CTNNA3: variants seen among roughly 807,000 people sequenced by gnomAD.
CTNNA3 encodes catenin alpha 3.
Under a neutral mutation model 95.7 loss-of-function variants are expected in CTNNA3, and 76 were observed. The ratio of observed to expected loss-of-function variants is 0.79; its 90% CI spans 0.66 to 0.96. CTNNA3 has a LOEUF of 0.96. Ranked by LOEUF, CTNNA3 falls within the 40% of genes least tolerant of loss-of-function variation. The pLI is 0.00. For missense variants in CTNNA3, 1,191 were observed against 1,089.8 expected, an observed-to-expected ratio of 1.09 and a Z score of -1.31; for synonymous variants, 431 against 374.4, an observed-to-expected ratio of 1.15 and a Z score of -1.74.
chr10:66,978,552 A>AAAAAAAAAAATATAT, intron 7 of CTNNA3, among the ~76,000 whole-genome samples: 1 of 37,884 alleles, frequency 2.6e-5, no homozygotes, highest in African/African-American at 8.7e-5. Flanking sequence ...AAAAAAAAAA[A>AAAAAAAAAAATATAT]ATATATATAT....
chr10:66,136,351 A>G (rs979631617), intron 13 of CTNNA3, among the ~76,000 whole-genome samples: 1 of 152,192 alleles, frequency 6.6e-6, no homozygotes, highest in African/African-American at 2.4e-5. Flanking sequence ...TAGTTCTAAC[A>G]TGGATGTTGG....
intron 3 of CTNNA3, among the ~76,000 whole-genome samples, chr10:67,580,652 A>G (rs1252371379): frequency 6.6e-6 from 1 of 151,008 alleles, no homozygotes; most frequent in East Asian, 1.9e-4. Context: ...CTTGGGCAGT[A>G]TGGCCATTTT....
rs146343425 is a variant in CTNNA3 at position 66,625,131 on chromosome 10, G to A, written c.1282-3347C>T. Among the ~76,000 whole-genome samples the A allele has an allele frequency of 6.4e-3, 971 of 152,206 alleles. 11 individuals are homozygous for A. Among genetic ancestry groups the A allele is most frequent in the African/African-American group, 0.022 (914 of 41,540 alleles). ...AAAACAAACAAGAAGTCTTCAAACA[G>A]GGATATGTGTCTTGTTATGAGAGGA... On this transcript the variant is annotated intron_variant, in intron 9 of 17. Coordinates refer to ENST00000433211, the MANE Select transcript of CTNNA3 (RefSeq NM_013266.4).
At chr10:67,192,529 G>A (rs1034686851) in intron 6 of CTNNA3, among the ~76,000 whole-genome samples, 3 of 151,872 alleles carry the variant, frequency 2.0e-5, no homozygotes, top group Admixed American at 2.0e-4. Flanking sequence ...ATCATCAAGG[G>A]AAATGCAACT....
intron 11 of CTNNA3, among the ~76,000 whole-genome samples, chr10:66,450,168 A>G (rs1375904168): frequency 6.6e-6 from 1 of 152,112 alleles, no homozygotes; most frequent in African/African-American, 2.4e-5. Flanking sequence ...AATCCCAGCC[A>G]AATATGTGAA....
chr10:67,112,164 C>T (rs550861544), intron 7 of CTNNA3, among the ~76,000 whole-genome samples: 2 of 152,168 alleles, frequency 1.3e-5, no homozygotes, highest in African/African-American at 4.8e-5. Context: ...CTTCATGTTC[C>T]ACCCTTTTCA....
chr10:65,922,436 GC>G (rs943707436), intron 17 of CTNNA3, among the ~76,000 whole-genome samples: 23 of 151,962 alleles, frequency 1.5e-4, no homozygotes, highest in African/African-American at 5.6e-4. Context: ...ACCCTTATAG[GC>G]CCCAAACCAT....
chr10:66,675,761 T>C (rs1281292087), intron 9 of CTNNA3, among the ~76,000 whole-genome samples: 1 of 152,118 alleles, frequency 6.6e-6, no homozygotes, highest in African/African-American at 2.4e-5. Context: ...ACAGATACCA[T>C]TATGTGACTG....
At chr10:67,229,503 A>G (rs906910364) in intron 5 of CTNNA3, among the ~76,000 whole-genome samples, 7 of 152,236 alleles carry the variant, frequency 4.6e-5, no homozygotes, top group African/African-American at 1.7e-4. Flanking sequence ...AAGGGCATCC[A>G]AATTGGTAAA....
intron 5 of CTNNA3, among the ~76,000 whole-genome samples, chr10:67,295,081 G>A (rs1839982730): frequency 1.3e-5 from 2 of 152,140 alleles, no homozygotes; most frequent in African/African-American, 2.4e-5. Flanking sequence ...CCATGAAGTG[G>A]ACTTCAGTAG....
At chr10:67,221,816 C>A (rs928994749) in intron 5 of CTNNA3, among the ~76,000 whole-genome samples, 3 of 152,020 alleles carry the variant, frequency 2.0e-5, no homozygotes, top group Non-Finnish European at 2.9e-5. Flanking sequence ...CCTTGTGATC[C>A]GCCCGCCTCG....
intron 17 of CTNNA3, among the ~76,000 whole-genome samples, chr10:65,953,898 C>A (rs1029438443): frequency 6.6e-6 from 1 of 152,140 alleles, no homozygotes; most frequent in African/African-American, 2.4e-5. Flanking sequence ...TGGGTATATA[C>A]CCAGTAATGG....
chr10:66,595,457 C>A (rs1280088545), intron 10 of CTNNA3, among the ~76,000 whole-genome samples: 1 of 151,970 alleles, frequency 6.6e-6, no homozygotes, highest in African/African-American at 2.4e-5. Context: ...AATTCTCCTG[C>A]CTCAGCCTCC....
intron 11 of CTNNA3, among the ~76,000 whole-genome samples, chr10:66,429,614 A>G (rs1344077103): frequency 6.6e-6 from 1 of 152,218 alleles, no homozygotes. Context: ...AAATCAATAA[A>G]TGTAATCCAG....
chr10:66,045,928 G>T (rs2079818864), intron 15 of CTNNA3, among the ~76,000 whole-genome samples: 4 of 152,118 alleles, frequency 2.6e-5, no homozygotes. Flanking sequence ...TATCTAAGAG[G>T]TATGTGTAAT....
At position 67,615,657 on chromosome 10, in the gene CTNNA3, CTTTTTTTTTT is replaced by C. The variant is rs746378840; in HGVS notation, c.100-8618_100-8609del. ...AATGTGTAACACAACGGCAGGTATT[CTTTTTTTTTT>C]TTTTTTTTTTTTTGAGACAGAGCCT... On this transcript the variant is annotated intron_variant, in intron 2 of 17. Transcript: ENST00000433211. Among the ~76,000 whole-genome samples, 11 of 102,142 alleles carry C rather than the reference CTTTTTTTTTT, an allele frequency of 1.1e-4. 1 individual carries two copies. In the East Asian group the frequency reaches 3.2e-3, roughly 30 times the overall value. The allele number at this position is 102,142 out of a possible 152,430, so 67.0% of individuals were successfully genotyped here.
chr10:66,138,356 T>A (rs1226471447), intron 13 of CTNNA3, among the ~76,000 whole-genome samples: 1 of 152,200 alleles, frequency 6.6e-6, no homozygotes, highest in East Asian at 1.9e-4. Context: ...TAACAAACTT[T>A]GAATACTGAC....
chr10:66,121,728 C>T (rs1363392277), intron 13 of CTNNA3, among the ~76,000 whole-genome samples: 1 of 152,058 alleles, frequency 6.6e-6, no homozygotes, highest in Non-Finnish European at 1.5e-5. Context: ...GTGGTCCCAA[C>T]TACTTGTGAG....
chr10:66,690,303 G>C (rs900835902), intron 9 of CTNNA3, among the ~76,000 whole-genome samples: 2 of 151,904 alleles, frequency 1.3e-5, no homozygotes, highest in Non-Finnish European at 2.9e-5. Context: ...ATTTTTATAT[G>C]TCACGTCTTT....
Sources: gnomAD v4.1 joint callset for allele counts (sites outside exome capture counted in the v4.1 genomes callset) on GRCh38, gnomAD v4.1.1 for gene constraint, MANE v1.5 for transcripts, NCBI Gene and HGNC (gene_info 2026-07-23, HGNC 2026-07-21) for gene names.